KIF25: variants seen among roughly 807,000 people sequenced by gnomAD.
KIF25 encodes kinesin family member 25.
In KIF25, 19 loss-of-function variants were observed where a neutral mutation model predicts 32.9. The ratio of observed to expected loss-of-function variants is 0.58; its 90% CI spans 0.40 to 0.85. KIF25 has a LOEUF of 0.85. KIF25 is among the 40% of genes least tolerant of loss of function. The probability of loss-of-function intolerance (pLI) is 0.00; values close to 1 mark genes in which losing one functional copy is unlikely to be tolerated. For synonymous variants in KIF25, 225 were observed against 213.7 expected, an observed-to-expected ratio of 1.05 and a Z score of -0.46; for missense variants, 485 against 507.0, an observed-to-expected ratio of 0.96 and a Z score of 0.42.
chr6:168,024,672 G>A (rs550968407), intron 5 of KIF25, among the ~76,000 whole-genome samples: 3 of 152,132 alleles, frequency 2.0e-5, no homozygotes, highest in African/African-American at 2.4e-5. Context: ...AGGAATGTTC[G>A]GGGCCGGGCA....
intron 7 of KIF25, among the ~76,000 whole-genome samples, chr6:168,031,570 C>A (rs765454268): frequency 6.6e-6 from 1 of 152,234 alleles, no homozygotes. Context: ...CACGCACGCA[C>A]GCGGGGCCGC....
At position 168,042,002 on chromosome 6, in the gene KIF25, A is replaced by G. The variant is rs58330252; in HGVS notation, c.680A>G (p.Glu227Gly). The G allele has an allele frequency of 4.4e-3, 6,786 of 1,552,004 alleles. 291 individuals are homozygous for G. In the African/African-American group the frequency reaches 0.084, roughly 19 times the overall value. The stretch of plus-strand genomic sequence containing the variant: ...GCCTGCAGTGCCACCCTCCCCAGGG[A>G]GCAAACAGAGGCAGGAAGGGCAGGA... ...DQACSATLPR[E>G]QTEAGRAGRS... Residue 227 changes from glutamate (E) to glycine (G), a missense_variant, in exon 11 of 13, where the codon GAG (glutamate) becomes GGG (glycine). Glu to Gly is a moderately conservative substitution (Grantham distance 98). Around this residue, in one of 2 missense-constraint regions of KIF25, gnomAD observed 480 missense variants for 470.3 expected, o/e 1.02. Transcript: ENST00000643607.
intron 5 of KIF25, among the ~76,000 whole-genome samples, chr6:168,020,885 T>C (rs2114885609): frequency 6.6e-6 from 1 of 152,358 alleles, no homozygotes; most frequent in African/African-American, 2.4e-5. Flanking sequence ...AAAGCTGTTC[T>C]ATATCTCAAT....
At chr6:168,015,903 C>T (rs910213929) in intron 4 of KIF25, among the ~76,000 whole-genome samples, 6 of 152,044 alleles carry the variant, frequency 3.9e-5, no homozygotes, top group Admixed American at 2.0e-4. Flanking sequence ...CTTGAGCTTT[C>T]GGGTTAGACA....
intron 4 of KIF25, among the ~76,000 whole-genome samples, chr6:168,017,675 T>G (rs1036321116): frequency 6.6e-6 from 1 of 152,184 alleles, no homozygotes; most frequent in Non-Finnish European, 1.5e-5. Flanking sequence ...CTCTGTTGTG[T>G]GTTCCCCAGT....
chr6:168,030,451 C>G (rs1212235030), intron 6 of KIF25: 1 of 143,822 alleles, frequency 7.0e-6, no homozygotes, highest in Non-Finnish European at 1.5e-5. Flanking sequence ...CCTCCCCTCC[C>G]CTCTCATCTT....
At position 168,040,088 on chromosome 6, in the gene KIF25, T is replaced by C; in HGVS notation, c.518T>C (p.Leu173Pro). 2 of 1,613,572 alleles carry C rather than the reference T, an allele frequency of 1.2e-6. No homozygotes were observed. Among genetic ancestry groups the C allele is most frequent in the Non-Finnish European group, 1.7e-6 (2 of 1,179,770 alleles). The part of the protein sequence containing the change: ...ASEAVGSASK[L>P]MELVHGGLQL... ...AGGGCTGTCGGCAGCGCCTCGAAAC[T>C]GATGGAGCTCGTTCATGGAGGTCTG... Residue 173 changes from leucine to proline, a missense_variant, in exon 10 of 13, where the codon CTG becomes CCG. By Grantham distance (98) the Leu-to-Pro change is moderately conservative. Transcript: ENST00000643607.
At chr6:168,005,153 A>G (rs893343913) in intron 4 of KIF25, among the ~76,000 whole-genome samples, 3 of 152,124 alleles carry the variant, frequency 2.0e-5, no homozygotes, top group Admixed American at 1.3e-4. Flanking sequence ...CCTGGCATGC[A>G]CGAGCTGACT....
At chr6:168,003,025 G>GT (rs1798528881) in intron 3 of KIF25, among the ~76,000 whole-genome samples, 1 of 152,238 alleles carries the variant, frequency 6.6e-6, no homozygotes, top group Non-Finnish European at 1.5e-5. Flanking sequence ...GGGAGCGGCT[G>GT]TAATTCAGAG....
At chr6:167,999,479 G>T (rs1428148354) in intron 2 of KIF25, among the ~76,000 whole-genome samples, 159 bp downstream of exon 2, 1 of 152,166 alleles carries the variant, frequency 6.6e-6, no homozygotes, top group Non-Finnish European at 1.5e-5. Context: ...GCGCTGTCTT[G>T]CTGACAGTGG....
intron 4 of KIF25, among the ~76,000 whole-genome samples, chr6:168,007,976 C>T (rs538808542): frequency 6.6e-6 from 1 of 152,326 alleles, no homozygotes; most frequent in East Asian, 1.9e-4. Flanking sequence ...TACTGCATCA[C>T]TCTTATCTTA....
At chr6:168,040,573 AAAGAAG>A (rs548723895) in intron 10 of KIF25, among the ~76,000 whole-genome samples, 189 of 151,566 alleles carry the variant, frequency 1.2e-3, no homozygotes, top group African/African-American at 4.5e-3. Context: ...TTAAAAAAAA[AAAGAAG>A]AAGAAGAAGA....
chr6:168,036,059 A>G (rs1358273088), intron 8 of KIF25: 1 of 228,584 alleles, frequency 4.4e-6, no homozygotes, highest in African/African-American at 2.2e-5. Context: ...GGAACCCTTT[A>G]CCCTGAAAAG....
chr6:168,032,158 G>A (rs781125067), intron 7 of KIF25, among the ~76,000 whole-genome samples: 1 of 152,208 alleles, frequency 6.6e-6, no homozygotes, highest in Non-Finnish European at 1.5e-5. Flanking sequence ...GCAGGGTATC[G>A]TGAGGCCTGT....
In KIF25 at chr6:168,038,489, T is replaced by C. The variant is rs998027534; in HGVS notation, c.318-64T>C. ...CCTGTAGGGCGTCTGGGGCTATGAT[T>C]GGCTTACACTGAAAATCACTCTGTG... On this transcript the variant is annotated intron_variant, in intron 8 of 12. Coordinates refer to ENST00000643607, the MANE Select transcript of KIF25 (RefSeq NM_030615.4). The C allele has an allele frequency of 1.7e-5, 27 of 1,552,076 alleles. No individual in the cohort carries two copies. In the African/African-American group the frequency reaches 3.5e-4, roughly 20 times the overall value.
Position 168,026,067 on chromosome 6 carries a change from C to G in KIF25, c.-94-3425C>G, listed in dbSNP as rs149358574. Among the ~76,000 whole-genome samples the G allele has an allele frequency of 3.1e-3, 478 of 152,324 alleles. 3 individuals carry two copies. The highest frequency in any genetic ancestry group is 0.011 in the African/African-American group (445 of 41,572). ...AAGAGGAAGCTGCGGGGGGCACCAC[C>G]GCCCAGTCTAGTTAAACGATGGCTT... On this transcript the variant is annotated intron_variant, in intron 5 of 12. Coordinates refer to ENST00000643607, the MANE Select transcript of KIF25 (RefSeq NM_030615.4).
chr6:168,033,576 A>G (rs77406524), intron 7 of KIF25, among the ~76,000 whole-genome samples: 3 of 151,962 alleles, frequency 2.0e-5, no homozygotes, highest in African/African-American at 4.8e-5. Context: ...CAGAATCCCT[A>G]TGTGAATGCT....
At chr6:168,024,679 G>C (rs890910581) in intron 5 of KIF25, among the ~76,000 whole-genome samples, 3 of 152,062 alleles carry the variant, frequency 2.0e-5, no homozygotes, top group Non-Finnish European at 2.9e-5. Context: ...TTCGGGGCCG[G>C]GCACGGTGGC....
In KIF25 at chr6:168,042,713, C is replaced by T. The variant is rs774338223; in HGVS notation, c.982C>T (p.Leu328Phe). The change falls in exon 12 of 13, where the codon CTC (leucine) becomes TTC (phenylalanine). Residue 328 changes from leucine to phenylalanine, a missense_variant. Leu to Phe is a conservative substitution (Grantham distance 22, BLOSUM62 0). Coordinates refer to ENST00000643607, the MANE Select transcript of KIF25 (RefSeq NM_030615.4). ...GCTCACCCACCTCCTTCAGGACTGCCTCGGTAACCGTTTTCCCCAAAATGC... is the reference window on the plus strand; with the variant it reads ...GCTCACCCACCTCCTTCAGGACTGCTTCGGTAACCGTTTTCCCCAAAATGC... The part of the protein sequence containing the change: ...SRLTHLLQDC[L>F]GGDAKLLVIL... 6.2e-7 allele frequency: 1 copy of T among 1,609,166 alleles called. No homozygotes were observed. Among genetic ancestry groups the T allele is most frequent in the South Asian group, 1.1e-5 (1 of 90,850 alleles).
Sources: allele counts gnomAD v4.1 joint callset (sites outside exome capture counted in the v4.1 genomes callset), GRCh38; gene constraint gnomAD v4.1.1; regional missense constraint gnomAD v4.1.1; transcripts MANE v1.5; gene names NCBI Gene and HGNC (gene_info 2026-07-23, HGNC 2026-07-21).